ITGB6: variants seen among roughly 807,000 people sequenced by gnomAD.
The protein encoded by ITGB6 is integrin beta-6.
ITGB6 carries 80 observed loss-of-function variants against 84.5 expected under a neutral mutation model. That is an observed-to-expected ratio of 0.95 (90% CI 0.79 to 1.14). ITGB6 has a LOEUF of 1.14. Among genes scored for constraint, ITGB6 ranks in the 50% most tolerant of loss-of-function variants. ITGB6 has a pLI of 0.00. For missense variants in ITGB6, 1,006 were observed against 968.0 expected (o/e 1.04, Z -0.52); for synonymous variants, 383 against 354.9 (o/e 1.08, Z -0.89).
At chr2:160,140,965 GGA>G (rs1445455876) in intron 8 of ITGB6, among the ~76,000 whole-genome samples, 2 of 152,074 alleles carry the variant, frequency 1.3e-5, no homozygotes, top group African/African-American at 4.8e-5. Context: ...GTCTGTGAGA[GGA>G]TAGGCCTATT....
At chr2:160,162,282 A>G (rs995299456) in intron 7 of ITGB6, among the ~76,000 whole-genome samples, 2 of 152,228 alleles carry the variant, frequency 1.3e-5, no homozygotes, top group Non-Finnish European at 2.9e-5. Flanking sequence ...GTCAAAAAGC[A>G]AATGGTAAAA....
intron 4 of ITGB6, among the ~76,000 whole-genome samples, chr2:160,184,748 G>A (rs796076066): frequency 5.9e-5 from 9 of 152,234 alleles, no homozygotes; most frequent in African/African-American, 1.9e-4. Context: ...CTGGCAAACC[G>A]AATCCAGCAG....
At chr2:160,137,307 TA>T in intron 10 of ITGB6, 126 bp downstream of exon 10, 1 of 865,826 alleles carries the variant, frequency 1.2e-6, no homozygotes, top group Non-Finnish European at 1.8e-6. Flanking sequence ...ACCCTAGGTC[TA>T]AGGCTGATCA....
chr2:160,180,206 C>G (rs1224206191), intron 4 of ITGB6, among the ~76,000 whole-genome samples: 1 of 151,808 alleles, frequency 6.6e-6, no homozygotes, highest in East Asian at 1.9e-4. Flanking sequence ...AAATGTAAAC[C>G]ACTTCAGCAT....
intron 10 of ITGB6, among the ~76,000 whole-genome samples, chr2:160,131,772 A>C (rs957294568): frequency 1.3e-5 from 2 of 152,206 alleles, no homozygotes; most frequent in African/African-American, 4.8e-5. Flanking sequence ...GTATTTTCTA[A>C]ATAGAATTTC....
At chr2:160,175,519 G>A (rs1344103590) in intron 4 of ITGB6, among the ~76,000 whole-genome samples, 2 of 152,084 alleles carry the variant, frequency 1.3e-5, no homozygotes, top group South Asian at 2.1e-4. Context: ...TCTTTTTCAC[G>A]GTCTACATAG....
Position 160,174,175 on chromosome 2 carries a change from A to G in ITGB6, c.594-36T>C, listed in dbSNP as rs756262800. The G allele has an allele frequency of 4.1e-6, 6 of 1,468,418 alleles. 1 individual carries two copies. The South Asian group carries it at 6.1e-5, about 15-fold the overall frequency. 91.0% of individuals were successfully genotyped at this position (1,468,418 alleles called of 1,614,324 possible). A position where few individuals can be genotyped will look rare whatever the true frequency, so the allele number is the denominator to read the frequency against. ...AAGATGCAAAAATACTGTTGATGAA[A>G]TATGATGCCACACACAATTAATGGA... On this transcript the variant is annotated intron_variant, in intron 4 of 14. Transcript: ENST00000283249.
At chr2:160,178,480 C>T (rs6432608) in intron 4 of ITGB6, among the ~76,000 whole-genome samples, 89,020 of 151,998 alleles carry the variant, frequency 0.59, 26,865 homozygotes, top group East Asian at 0.77. Flanking sequence ...TAGAATTATC[C>T]GCTATGTAGA....
chr2:160,194,334 A>G (rs1034476007), intron 4 of ITGB6, among the ~76,000 whole-genome samples: 7 of 152,150 alleles, frequency 4.6e-5, no homozygotes, highest in Non-Finnish European at 1.0e-4. Flanking sequence ...GATGTTTTTT[A>G]AATGGTATAA....
chr2:160,155,950 T>A (rs74981420), intron 7 of ITGB6, among the ~76,000 whole-genome samples: 1 of 152,204 alleles, frequency 6.6e-6, no homozygotes, highest in African/African-American at 2.4e-5. Flanking sequence ...ACACTTGTAG[T>A]AGAAGTGTAA....
intron 12 of ITGB6, among the ~76,000 whole-genome samples, chr2:160,123,347 C>T (rs1336694405): frequency 6.6e-6 from 1 of 152,210 alleles, no homozygotes; most frequent in African/African-American, 2.4e-5. Flanking sequence ...TAACCAGAAA[C>T]CACCCAGTAT....
chr2:160,127,210 C>A (rs1233748984), intron 10 of ITGB6, among the ~76,000 whole-genome samples: 2 of 152,186 alleles, frequency 1.3e-5, no homozygotes, highest in Non-Finnish European at 2.9e-5. Flanking sequence ...AGAGAATCCC[C>A]TTTTCTTTCC....
At chr2:160,158,054 C>T (rs966163030) in intron 7 of ITGB6, among the ~76,000 whole-genome samples, 1 of 152,128 alleles carries the variant, frequency 6.6e-6, no homozygotes, top group Non-Finnish European at 1.5e-5. Flanking sequence ...CCCAAGATTC[C>T]AAAAAGAACA....
chr2:160,152,987 A>C (rs1272809759), intron 7 of ITGB6, among the ~76,000 whole-genome samples: 2 of 152,234 alleles, frequency 1.3e-5, no homozygotes, highest in Non-Finnish European at 2.9e-5. Context: ...AGGAAGAATC[A>C]ATATTGTGAA....
chr2:160,107,659 A>T lies in ITGB6; in HGVS notation c.2268+20T>A. The T allele has an allele frequency of 6.2e-7, 1 of 1,612,370 alleles. No individual in the cohort carries two copies. The highest frequency in any genetic ancestry group is 8.5e-7 in the Non-Finnish European group (1 of 1,178,458). On this transcript the variant is annotated intron_variant, in intron 14 of 14. Transcript: ENST00000283249. ...CCTCTTTCTCCCCTAGACAAGGAGT[A>T]GCCCTAAGTTTCCACATACCGTTTG...
chr2:160,131,203 GT>G (rs33999836), intron 10 of ITGB6, among the ~76,000 whole-genome samples: 101,571 of 151,930 alleles, frequency 0.67, 34,321 homozygotes, highest in Admixed American at 0.74. Flanking sequence ...GACAATAACT[GT>G]TAAGTGCATA....
intron 4 of ITGB6, among the ~76,000 whole-genome samples, chr2:160,188,337 A>T (rs1029486258): frequency 2.0e-5 from 3 of 152,236 alleles, no homozygotes; most frequent in Non-Finnish European, 4.4e-5. Flanking sequence ...TGGGAAACAT[A>T]TAATCTTGCC....
At chr2:160,113,231 C>A (rs1023949186) in intron 12 of ITGB6, among the ~76,000 whole-genome samples, 1 of 152,188 alleles carries the variant, frequency 6.6e-6, no homozygotes, top group Admixed American at 6.5e-5. Context: ...AGACTTATAA[C>A]CTCTCCCATT....
chr2:160,120,845 G>A, intron 12 of ITGB6, among the ~76,000 whole-genome samples: 1 of 147,962 alleles, frequency 6.8e-6, no homozygotes, highest in Admixed American at 6.8e-5. Context: ...CTCACTCATA[G>A]GTGGGAATTG....
Sources: allele counts gnomAD v4.1 joint callset (sites outside exome capture counted in the v4.1 genomes callset), GRCh38; gene constraint gnomAD v4.1.1; transcripts MANE v1.5; gene names NCBI Gene and HGNC (gene_info 2026-07-23, HGNC 2026-07-21).